Variants in CCDC18 observed in about 807,000 individuals in gnomAD.
CCDC18 encodes the protein coiled-coil domain-containing protein 18.
In CCDC18, 157 loss-of-function variants were observed where a neutral mutation model predicts 196.0. That is an observed-to-expected ratio of 0.80 (90% CI 0.70 to 0.91). The LOEUF (loss-of-function observed/expected upper bound fraction) is 0.91. CCDC18 is among the 40% of genes least tolerant of loss of function. The pLI is 0.00. For missense variants in CCDC18, 1,465 were observed against 1,611.6 expected (o/e 0.91, Z 1.56); for synonymous variants, 482 against 529.2 (o/e 0.91, Z 1.22).
At chr1:93,180,090 G>A (rs750307480), upstream of CCDC18, 1 of 1,613,676 alleles carries the variant, frequency 6.2e-7, no homozygotes, top group East Asian at 2.2e-5. Flanking sequence ...TCAGGGGCAT[G>A]GGCTGGTAGA....
At chr1:93,232,259 A>G (rs1659347384) in intron 17 of CCDC18, among the ~76,000 whole-genome samples, 167 bp from the exon 18 acceptor site, 1 of 152,198 alleles carries the variant, frequency 6.6e-6, no homozygotes, top group African/African-American at 2.4e-5. Context: ...ACATCTCCCC[A>G]TTAGAAAAAT....
At chr1:93,249,038 G>C (rs1246620703) in intron 23 of CCDC18, among the ~76,000 whole-genome samples, 2 of 151,368 alleles carry the variant, frequency 1.3e-5, no homozygotes, top group Non-Finnish European at 2.9e-5. Flanking sequence ...GAGTAGAATT[G>C]GTATTAGTTT....
intron 26 of CCDC18, among the ~76,000 whole-genome samples, chr1:93,261,084 T>C (rs1557705438): frequency 1.3e-5 from 2 of 152,208 alleles, no homozygotes; most frequent in Admixed American, 1.3e-4. Context: ...AACATACATG[T>C]GCATGTGTCT....
intron 11 of CCDC18, 61 bp downstream of exon 11, chr1:93,212,322 TAAAA>T: frequency 8.6e-7 from 1 of 1,158,180 alleles, no homozygotes; most frequent in South Asian, 2.1e-5. Context: ...AGTTTTTTTT[TAAAA>T]AAACTTTTAT....
At chr1:93,223,940 C>T (rs1439629283) in intron 16 of CCDC18, among the ~76,000 whole-genome samples, 1 of 137,718 alleles carries the variant, frequency 7.3e-6, no homozygotes, top group Middle Eastern at 3.5e-3. Context: ...CACACACACA[C>T]ATTTGCAAGT....
At chr1:93,198,906 TAAAG>T (rs1216854528) in intron 6 of CCDC18, among the ~76,000 whole-genome samples, 2 of 152,200 alleles carry the variant, frequency 1.3e-5, no homozygotes, top group Admixed American at 6.5e-5. Context: ...TTTGGCCTCC[TAAAG>T]TGCAAGTATT....
intron 3 of CCDC18, 120 bp downstream of exon 3, chr1:93,184,266 T>G: frequency 3.0e-6 from 1 of 337,458 alleles, no homozygotes; most frequent in East Asian, 4.7e-5. Flanking sequence ...TTTAAATACC[T>G]TATTCATGGT....
At chr1:93,229,690 A>T (rs998530830) in intron 17 of CCDC18, among the ~76,000 whole-genome samples, 9 of 152,336 alleles carry the variant, frequency 5.9e-5, no homozygotes, top group African/African-American at 1.9e-4. Context: ...TCAGCCACAT[A>T]TTCTTTTCCG....
intron 4 of CCDC18, among the ~76,000 whole-genome samples, chr1:93,188,688 T>C (rs1035740458): frequency 1.3e-5 from 2 of 152,214 alleles, no homozygotes; most frequent in African/African-American, 2.4e-5. Flanking sequence ...TGGTAGTTCT[T>C]AGGACCTTCC....
chr1:93,242,386 T>C (rs1387485007), intron 21 of CCDC18, among the ~76,000 whole-genome samples: 1 of 152,160 alleles, frequency 6.6e-6, no homozygotes, highest in Non-Finnish European at 1.5e-5. Context: ...CTCTTGAGAC[T>C]GATTCACTCT....
intron 28 of CCDC18, among the ~76,000 whole-genome samples, chr1:93,274,401 C>CTAAA (rs755322104): frequency 4.0e-5 from 6 of 151,788 alleles, no homozygotes; most frequent in African/African-American, 9.7e-5. Context: ...GACTCCATCT[C>CTAAA]TAAATAAATA....
chr1:93,246,945 T>C lies in CCDC18; in HGVS notation c.3189T>C (p.Cys1063=). The change falls in exon 23 of 29, where the codon TGT becomes TGC. Residue 1063 remains cysteine (C), a synonymous_variant. Coordinates refer to ENST00000690025, the MANE Select transcript of CCDC18 (RefSeq NM_001378204.1). ...LEKSELELKE[C]NKQIESLNDK... The stretch of plus-strand genomic sequence containing the variant: ...AATCAGAATTGGAACTTAAAGAATG[T>C]AACAAACAGGTAAATTATTTTAAAA... 8.4e-7 allele frequency: 1 copy of C among 1,191,362 alleles called. No individual in the cohort carries two copies. The highest frequency in any genetic ancestry group is 1.2e-6 in the Non-Finnish European group (1 of 825,952). 73.8% of individuals were successfully genotyped at this position (1,191,362 alleles called of 1,614,324 possible).
rs1183426416 is a variant in CCDC18, at chr1:93,227,224, G to C, written c.2292+775G>C. On this transcript the variant is annotated intron_variant, in intron 17 of 28. Coordinates refer to ENST00000690025, the MANE Select transcript of CCDC18 (RefSeq NM_001378204.1). Reference sequence around the variant, plus strand: ...GATGGAGTCTTGCTCTGTCGCCCAGGCTCGGCTCACTGCAACCTCCACCTC... The same window carrying C: ...GATGGAGTCTTGCTCTGTCGCCCAGCCTCGGCTCACTGCAACCTCCACCTC... 2.0e-4 allele frequency among the ~76,000 whole-genome samples: 28 copies of C among 138,734 alleles called. 1 individual carries two copies. In the Admixed American group the frequency reaches 2.1e-3, roughly 10 times the overall value. 91.0% of individuals were successfully genotyped at this position (138,734 alleles called of 152,430 possible). A position where few individuals can be genotyped will look rare whatever the true frequency, so the allele number is the denominator to read the frequency against.
chr1:93,217,894 G>T (rs1458258272), intron 14 of CCDC18, 25 bp downstream of exon 14: 13 of 1,573,580 alleles, frequency 8.3e-6, no homozygotes, highest in Non-Finnish European at 1.1e-5. Context: ...TTTAGAATAT[G>T]AGTGCTGAAA....
At chr1:93,180,216 G>A, upstream of CCDC18, 1 of 1,612,584 alleles carries the variant, frequency 6.2e-7, no homozygotes, top group Non-Finnish European at 8.5e-7. Flanking sequence ...GGAGCACGGG[G>A]AAGGGCAGCC....
At chr1:93,186,199 T>C (rs1195387991) in intron 3 of CCDC18, 146 bp from the exon 4 acceptor site, 1 of 691,630 alleles carries the variant, frequency 1.4e-6, no homozygotes, top group South Asian at 1.8e-5. Context: ...GTTCCACATA[T>C]CCTTGTCAAT....
chr1:93,194,749 TA>T (rs1411214959), intron 6 of CCDC18, among the ~76,000 whole-genome samples: 2 of 152,258 alleles, frequency 1.3e-5, no homozygotes, highest in Non-Finnish European at 2.9e-5. Flanking sequence ...AATAGTGAGA[TA>T]ATAATACATG....
chr1:93,201,797 C>T (rs1193152477), intron 6 of CCDC18, 95 bp from the exon 7 acceptor site: 1 of 725,732 alleles, frequency 1.4e-6, no homozygotes, highest in South Asian at 2.8e-5. Context: ...TGTTTCTCTC[C>T]AATTATTCCT....
chr1:93,256,319 A>G lies in CCDC18; in HGVS notation c.3343-16A>G, dbSNP rs775353492. ...ATATTTCATTCTGAAACCTACAAAT[A>G]CCTTATGCTTTTCAGGTTATGAAAG... On this transcript the variant is annotated splice_polypyrimidine_tract_variant and intron_variant, in intron 24 of 28. Transcript: ENST00000690025. 9 of 1,609,730 alleles carry G rather than the reference A, an allele frequency of 5.6e-6. No homozygotes were observed. Among genetic ancestry groups the G allele is most frequent in the Non-Finnish European group, 7.6e-6 (9 of 1,176,538 alleles).
Sources: gnomAD v4.1 joint callset for allele counts (sites outside exome capture counted in the v4.1 genomes callset) on GRCh38, gnomAD v4.1.1 for gene constraint, MANE v1.5 for transcripts, NCBI Gene and HGNC (gene_info 2026-07-23, HGNC 2026-07-21) for gene names.